RUBCN: variants seen among roughly 807,000 people sequenced by gnomAD.
RUBCN encodes the protein run domain Beclin-1-interacting and cysteine-rich domain-containing protein.
RUBCN carries 74 observed loss-of-function variants against 113.2 expected under a neutral mutation model. That is an observed-to-expected ratio of 0.65 (90% CI 0.54 to 0.79). The LOEUF is 0.79. Among genes scored for constraint, RUBCN ranks in the 30% least tolerant of loss-of-function variants. RUBCN has a pLI of 0.00. For missense variants in RUBCN, 1,109 were observed against 1,251.7 expected (o/e 0.89, Z 1.72); for synonymous variants, 480 against 490.0 (o/e 0.98, Z 0.27).
chr3:197,677,619 TA>T, intron 16 of RUBCN, 78 bp from the exon 17 acceptor site: 1 of 1,323,834 alleles, frequency 7.6e-7, no homozygotes, highest in Non-Finnish European at 1.1e-6. Flanking sequence ...CCAGGGCCTT[TA>T]AACCCTGGGG....
Position 197,703,528 on chromosome 3 carries a change from T to C in RUBCN, c.570+20A>G, listed in dbSNP as rs372229211. On this transcript the variant is annotated intron_variant, in intron 5 of 19. Coordinates refer to ENST00000296343, the MANE Select transcript of RUBCN (RefSeq NM_014687.4). ...TCCAGGGACCCAGCATAGACGTGGA[T>C]AATTCCTTGTCCCCTGTACCATGGA... 3.2e-6 allele frequency: 5 copies of C among 1,540,124 alleles called. No individual in the cohort carries two copies. The African/African-American group carries it at 7.0e-5, about 21-fold the overall frequency.
chr3:197,707,841 G>A (rs1724489954), intron 2 of RUBCN, among the ~76,000 whole-genome samples: 1 of 152,000 alleles, frequency 6.6e-6, no homozygotes, highest in Admixed American at 6.6e-5. Context: ...GCACATGCCT[G>A]TAGTCCCAGC....
intron 5 of RUBCN, among the ~76,000 whole-genome samples, chr3:197,702,860 T>A (rs564846954): frequency 6.6e-6 from 1 of 152,108 alleles, no homozygotes; most frequent in East Asian, 1.9e-4. Context: ...GAAAAAAACA[T>A]GAAAAAACTG....
rs1721267385 is a variant in RUBCN, at chr3:197,681,771, C to T, written c.2191+64G>A. ...CTACCGCCTTTGACACGCCACCTCT[C>T]CCTACGTGTCGGGGAGGGTACAGAG... On this transcript the variant is annotated intron_variant, in intron 15 of 19. Coordinates refer to ENST00000296343, the MANE Select transcript of RUBCN (RefSeq NM_014687.4). The surrounding 1 kb of genome is among the most constrained non-coding windows in gnomAD (Gnocchi z 5.5). The T allele has an allele frequency of 1.4e-6, 2 of 1,421,710 alleles. No individual in the cohort carries two copies. Among genetic ancestry groups the T allele is most frequent in the African/African-American group, 1.4e-5 (1 of 71,224 alleles). The allele number at this position is 1,421,710 out of a possible 1,614,324, so 88.1% of individuals were successfully genotyped here. A position where few individuals can be genotyped will look rare whatever the true frequency, so the allele number is the denominator to read the frequency against.
chr3:197,742,973 C>T (rs940581198), intron 1 of RUBCN, among the ~76,000 whole-genome samples: 2 of 152,166 alleles, frequency 1.3e-5, no homozygotes, highest in Non-Finnish European at 2.9e-5. Flanking sequence ...TCCTGCCTTC[C>T]CTAGGGAGGG....
intron 13 of RUBCN, among the ~76,000 whole-genome samples, chr3:197,682,844 A>G: frequency 6.6e-6 from 1 of 152,202 alleles, no homozygotes; most frequent in Non-Finnish European, 1.5e-5. Context: ...AACCTCAGAA[A>G]CAACCAGGAG....
Position 197,681,321 on chromosome 3 carries a change from G to A in RUBCN, c.2238C>T (p.Phe746=). The part of the protein sequence containing the change: ...LRYCEYLGKY[F]CQCCHENAQM... The stretch of plus-strand genomic sequence containing the variant: ...GGGCATTCTCGTGGCAGCACTGGCA[G>A]AAGTACTTGCCCAGGTACTCACAGT... Residue 746 remains phenylalanine (F), a synonymous_variant, in exon 16 of 20, where the codon TTC becomes TTT. Coordinates refer to ENST00000296343, the MANE Select transcript of RUBCN (RefSeq NM_014687.4). The surrounding 1 kb of genome is among the most constrained non-coding windows in gnomAD (Gnocchi z 5.5). 2 of 1,614,186 alleles carry A rather than the reference G, an allele frequency of 1.2e-6. No homozygotes were observed. Among genetic ancestry groups the A allele is most frequent in the Non-Finnish European group, 1.7e-6 (2 of 1,180,014 alleles).
chr3:197,676,289 C>A (rs114207349), intron 18 of RUBCN: 19 of 992,292 alleles, frequency 1.9e-5, no homozygotes, highest in Non-Finnish European at 2.2e-5. Flanking sequence ...GACTCCCTCT[C>A]GATTCCAATC....
chr3:197,749,412 C>T (rs888325226), exon 1 of RUBCN: 3 of 1,215,178 alleles, frequency 2.5e-6, no homozygotes, highest in Non-Finnish European at 3.2e-6. Context: ...GTCACTGCAG[C>T]GTTTGCTTTG....
intron 5 of RUBCN, among the ~76,000 whole-genome samples, chr3:197,702,259 A>G (rs901157178): frequency 3.3e-5 from 5 of 152,248 alleles, no homozygotes; most frequent in African/African-American, 1.2e-4. Flanking sequence ...AATGAGATCA[A>G]TGCCCACTTC....
At position 197,681,262 on chromosome 3, in the gene RUBCN, C is replaced by T; in HGVS notation, c.2297G>A (p.Trp766Ter). 1 of 1,614,118 alleles carries T rather than the reference C, an allele frequency of 6.2e-7. No individual in the cohort carries two copies. Among genetic ancestry groups the T allele is most frequent in the Middle Eastern group, 1.6e-4 (1 of 6,062 alleles). ...GCTGACGTAGTACTTGCTGAAGTCCCACTTGCGCAGAACCCGGCTGGGGAT... is the reference window on the plus strand; with the variant it reads ...GCTGACGTAGTACTTGCTGAAGTCCTACTTGCGCAGAACCCGGCTGGGGAT... ...MAIPSRVLRK[W>*]DFSKYYVSNF... is the part of the protein sequence containing the mutation. Residue 766 changes from tryptophan (W) to a stop codon, truncating the protein, a stop_gained, in exon 16 of 20, where the codon TGG (tryptophan) becomes TAG (stop). Coordinates refer to ENST00000296343, the MANE Select transcript of RUBCN (RefSeq NM_014687.4). LOFTEE classifies it high-confidence loss of function. This position sits in a 1 kb window ranked among gnomAD's most constrained non-coding sequence, Gnocchi z 5.5.
upstream of RUBCN, among the ~76,000 whole-genome samples, chr3:197,739,373 A>G (rs916692850): frequency 7.0e-6 from 1 of 143,150 alleles, no homozygotes; most frequent in African/African-American, 2.6e-5. Flanking sequence ...CCTGGGCGAT[A>G]AGAGCAAGAC....
rs1278759027 is a variant in RUBCN at position 197,734,255 on chromosome 3, T to C, written c.65+2400A>G. On this transcript the variant is annotated intron_variant, in intron 1 of 19. Coordinates refer to ENST00000296343, the MANE Select transcript of RUBCN (RefSeq NM_014687.4). ...CTTGGCGACAGAGCAAGACTCTATC[T>C]CAAAAAAAAAAAAAAAAAAGTGCAG... Among the ~76,000 whole-genome samples the C allele has an allele frequency of 8.6e-5, 11 of 128,148 alleles. No homozygotes were observed. In the East Asian group the frequency reaches 2.3e-3, roughly 26 times the overall value. 84.1% of individuals were successfully genotyped at this position (128,148 alleles called of 152,430 possible).
intron 1 of RUBCN, among the ~76,000 whole-genome samples, chr3:197,728,787 T>C (rs950086263): frequency 1.3e-5 from 2 of 152,184 alleles, no homozygotes; most frequent in South Asian, 2.1e-4. Context: ...AGATGTCAGA[T>C]GTGCTCTAAC....
chr3:197,706,575 T>A (rs1259425849), intron 2 of RUBCN, among the ~76,000 whole-genome samples: 1 of 151,818 alleles, frequency 6.6e-6, no homozygotes, highest in African/African-American at 2.4e-5. Flanking sequence ...TCCCAGCTGC[T>A]TGGGAGGCTG....
chr3:197,731,606 G>A (rs748268866), intron 1 of RUBCN, among the ~76,000 whole-genome samples: 41 of 149,588 alleles, frequency 2.7e-4, no homozygotes, highest in Admixed American at 4.6e-4. Context: ...CGGATGGGGC[G>A]GCTGGCCGGG....
At chr3:197,730,885 C>CTT (rs71166707) in intron 1 of RUBCN, among the ~76,000 whole-genome samples, 4,257 of 49,932 alleles carry the variant, frequency 0.085, 457 homozygotes, top group African/African-American at 0.11. Flanking sequence ...TTAAAAGCAT[C>CTT]TTTTTTTTTT....
At chr3:197,738,895 T>G (rs1368848680), upstream of RUBCN, among the ~76,000 whole-genome samples, 7 of 152,072 alleles carry the variant, frequency 4.6e-5, no homozygotes, top group Admixed American at 4.6e-4. Flanking sequence ...TACCTGGCCT[T>G]ACTTCTAGTT....
At chr3:197,717,152 G>A (rs1275240015) in intron 2 of RUBCN, among the ~76,000 whole-genome samples, 1 of 150,810 alleles carries the variant, frequency 6.6e-6, no homozygotes, top group South Asian at 2.1e-4. Flanking sequence ...AGGGGGCAGA[G>A]AGCTGGGTGC....
Sources: allele counts gnomAD v4.1 joint callset (sites outside exome capture counted in the v4.1 genomes callset), GRCh38; gene constraint gnomAD v4.1.1; non-coding constraint Gnocchi (gnomAD v3.1); transcripts MANE v1.5; gene names NCBI Gene and HGNC (gene_info 2026-07-23, HGNC 2026-07-21).